The following ZNF569 variants were observed in gnomAD, a reference collection of about 807,000 sequenced individuals.
ZNF569 encodes DNA-binding protein.
In ZNF569, 38 loss-of-function variants were observed where a neutral mutation model predicts 56.3. The ratio of observed to expected loss-of-function variants is 0.68; its 90% confidence interval spans 0.52 to 0.88. ZNF569 has a LOEUF of 0.88. Ranked by LOEUF, ZNF569 falls within the 40% of genes least tolerant of loss-of-function variation. The probability of loss-of-function intolerance (pLI) is 0.00; values close to 1 mark genes in which losing one functional copy is unlikely to be tolerated. For missense variants in ZNF569, 666 were observed against 809.2 expected (o/e 0.82, Z 2.15); for synonymous variants, 241 against 262.9 (o/e 0.92, Z 0.81).
At chr19:37,418,836 C>T (rs751996985) in intron 5 of ZNF569, among the ~76,000 whole-genome samples, 1 of 152,092 alleles carries the variant, frequency 6.6e-6, no homozygotes. Context: ...CTACAGGGAA[C>T]CTAAACTGGC....
intron 2 of ZNF569, among the ~76,000 whole-genome samples, chr19:37,452,254 G>A (rs1284764114): frequency 2.6e-5 from 4 of 152,108 alleles, no homozygotes; most frequent in African/African-American, 7.2e-5. Context: ...TCTATTCACA[G>A]TGTATCTTTT....
chr19:37,435,213 T>C (rs2041290367), intron 3 of ZNF569, among the ~76,000 whole-genome samples: 1 of 152,226 alleles, frequency 6.6e-6, no homozygotes, highest in Non-Finnish European at 1.5e-5. Context: ...ACTAACTTTC[T>C]CTTGGCCTGT....
At chr19:37,430,530 T>C (rs2041208459) in intron 3 of ZNF569, among the ~76,000 whole-genome samples, 1 of 151,854 alleles carries the variant, frequency 6.6e-6, no homozygotes, top group Non-Finnish European at 1.5e-5. Context: ...TGACTTCTCA[T>C]CAAACACAAT....
intron 2 of ZNF569, among the ~76,000 whole-genome samples, chr19:37,459,134 T>C (rs142066195): frequency 4.1e-4 from 62 of 152,028 alleles, no homozygotes; most frequent in African/African-American, 1.4e-3. Context: ...AGAACACAGA[T>C]GAAATATTGT....
chr19:37,461,978 CT>C (rs1242512722), intron 2 of ZNF569, among the ~76,000 whole-genome samples: 1 of 152,124 alleles, frequency 6.6e-6, no homozygotes, highest in African/African-American at 2.4e-5. Context: ...TTAAGTGGGT[CT>C]TTGATGGTGC....
chr19:37,446,645 C>T (rs2041502706), intron 2 of ZNF569, among the ~76,000 whole-genome samples: 1 of 151,608 alleles, frequency 6.6e-6, no homozygotes, highest in African/African-American at 2.4e-5. Flanking sequence ...AATCTAAGAC[C>T]TGAAACCATA....
upstream of ZNF569, among the ~76,000 whole-genome samples, chr19:37,468,488 A>G (rs1043091979): frequency 1.3e-5 from 2 of 151,338 alleles, no homozygotes; most frequent in Non-Finnish European, 2.9e-5. Flanking sequence ...ATTTGAGGTC[A>G]CGAGGTTTTT....
intron 4 of ZNF569, 110 bp downstream of exon 4, chr19:37,426,142 A>G (rs2041128028): frequency 1.4e-6 from 2 of 1,395,544 alleles, no homozygotes; most frequent in Non-Finnish European, 2.0e-6. Flanking sequence ...AAGCATCCCA[A>G]GGCCAAGCTC....
At chr19:37,436,046 T>A (rs1016446636) in intron 3 of ZNF569, among the ~76,000 whole-genome samples, 6 of 152,188 alleles carry the variant, frequency 3.9e-5, no homozygotes, top group African/African-American at 1.4e-4. Context: ...GAATGCGCAT[T>A]CTTTTCCTCA....
upstream of ZNF569, chr19:37,469,146 T>C (rs773898376): frequency 5.0e-4 from 565 of 1,124,508 alleles, 1 homozygote; most frequent in Non-Finnish European, 6.0e-4. Context: ...ATCCGGACTT[T>C]CGGGCTCTCT....
chr19:37,451,431 G>A (rs1294538883), intron 2 of ZNF569, among the ~76,000 whole-genome samples: 1 of 148,158 alleles, frequency 6.7e-6, no homozygotes, highest in African/African-American at 2.5e-5. Flanking sequence ...TTCTGTATAT[G>A]TCTCTCAGAT....
intron 3 of ZNF569, among the ~76,000 whole-genome samples, chr19:37,443,647 A>G (rs1270878152): frequency 6.6e-6 from 1 of 152,116 alleles, no homozygotes; most frequent in African/African-American, 2.4e-5. Flanking sequence ...TGAAAAAGAT[A>G]ATTACATAGG....
intron 3 of ZNF569, among the ~76,000 whole-genome samples, chr19:37,442,879 T>C (rs940945036): frequency 2.0e-5 from 3 of 152,174 alleles, no homozygotes; most frequent in Non-Finnish European, 2.9e-5. Context: ...GTGATAAAAG[T>C]TGAACACTCC....
At chr19:37,430,866 G>T (rs1339897360) in intron 3 of ZNF569, among the ~76,000 whole-genome samples, 1 of 152,220 alleles carries the variant, frequency 6.6e-6, no homozygotes, top group Non-Finnish European at 1.5e-5. Context: ...TTCTGAGAGA[G>T]AATCTGTGCA....
At chr19:37,424,588 C>T (rs1475732269) in intron 5 of ZNF569, among the ~76,000 whole-genome samples, 5 of 151,584 alleles carry the variant, frequency 3.3e-5, no homozygotes, top group South Asian at 4.2e-4. Flanking sequence ...CTGAGGTGGG[C>T]GGATCACTTG....
rs752435584 is a variant in ZNF569, at chr19:37,413,818, G to C, written c.840C>G (p.Ser280Arg). ...YACKECEKSF[S>R]QKSNLIDHEK... ...CATGATCAATAAGATTTGATTTCTG[G>C]CTGAAGGACTTCTCACATTCCTTAC... is the stretch of plus-strand genomic sequence containing the variant. Residue 280 changes from serine (S) to arginine (R), a missense_variant, in exon 6 of 6, where the codon AGC becomes AGG. Ser to Arg is a moderately radical substitution (Grantham distance 110). Coordinates refer to ENST00000316950, the MANE Select transcript of ZNF569 (RefSeq NM_152484.3). The C allele has an allele frequency of 1.2e-6, 2 of 1,613,462 alleles. No homozygotes were observed. The highest frequency in any genetic ancestry group is 1.7e-6 in the Non-Finnish European group (2 of 1,179,900).
intron 2 of ZNF569, among the ~76,000 whole-genome samples, chr19:37,450,908 T>A (rs2041581014): frequency 6.6e-6 from 1 of 152,250 alleles, no homozygotes; most frequent in Non-Finnish European, 1.5e-5. Flanking sequence ...TTCATTTCAA[T>A]ATACTTCTGG....
At chr19:37,453,795 C>T (rs1475595493) in intron 2 of ZNF569, among the ~76,000 whole-genome samples, 10 of 152,118 alleles carry the variant, frequency 6.6e-5, no homozygotes, top group Admixed American at 5.2e-4. Flanking sequence ...ATCTCTGCTC[C>T]AATTACCCAT....
At chr19:37,417,332 C>T (rs1184948661) in intron 5 of ZNF569, among the ~76,000 whole-genome samples, 1 of 152,134 alleles carries the variant, frequency 6.6e-6, no homozygotes, top group Non-Finnish European at 1.5e-5. Flanking sequence ...GTGATCTAGG[C>T]TCACTGCAAC....
Sources: allele counts gnomAD v4.1 joint callset (sites outside exome capture counted in the v4.1 genomes callset), GRCh38; gene constraint gnomAD v4.1.1; transcripts MANE v1.5; gene names NCBI Gene and HGNC (gene_info 2026-07-23, HGNC 2026-07-21).